HGD: variants seen among roughly 807,000 people sequenced by gnomAD.
The protein encoded by HGD is homogentisate 1,2-dioxygenase.
In HGD, 61 loss-of-function variants were observed where a neutral mutation model predicts 60.8. The ratio of observed to expected loss-of-function variants is 1.00; its 90% CI spans 0.82 to 1.24. The LOEUF is 1.24. Ranked by LOEUF, HGD falls within the 50% of genes most tolerant of loss-of-function variation. HGD has a pLI of 0.00. For missense variants in HGD, 542 were observed against 547.1 expected (o/e 0.99, Z 0.09); for synonymous variants, 212 against 187.7 (o/e 1.13, Z -1.06).
chr3:120,679,802 TAG>T (rs1309831032), intron 1 of HGD, among the ~76,000 whole-genome samples: 1 of 152,180 alleles, frequency 6.6e-6, no homozygotes, highest in Non-Finnish European at 1.5e-5. Flanking sequence ...CAATCTCTCA[TAG>T]AGTCTCCAGA....
intron 11 of HGD, among the ~76,000 whole-genome samples, chr3:120,640,202 A>G (rs984350281): frequency 6.6e-6 from 1 of 151,022 alleles, no homozygotes; most frequent in African/African-American, 2.4e-5. Context: ...TAAAAGTTAA[A>G]AAAAAAAAAA....
At position 120,633,180 on chromosome 3, in the gene HGD, C is replaced by T; in HGVS notation, c.1155G>A (p.Lys385=). The T allele has an allele frequency of 6.2e-7, 1 of 1,614,120 alleles. No homozygotes were observed. The highest frequency in any genetic ancestry group is 8.5e-7 in the Non-Finnish European group (1 of 1,180,022). The change falls in exon 13 of 14, where the codon AAG becomes AAA. Residue 385 remains lysine (K), a synonymous_variant. Coordinates refer to ENST00000283871, the MANE Select transcript of HGD (RefSeq NM_000187.4). Reference sequence around the variant, plus strand: ...CATCGGCAATCCTCTCAGGTGCCAGCTTGACCTTGCTGGCCTTCTCAAAGC... The same window carrying T: ...CATCGGCAATCCTCTCAGGTGCCAGTTTGACCTTGCTGGCCTTCTCAAAGC... The part of the protein sequence containing the change: ...ADCFEKASKV[K]LAPERIADGT...
Position 120,633,147 on chromosome 3 carries a change from C to T in HGD, c.1188G>A (p.Met396Ile), listed in dbSNP as rs753803362. ...LAPERIADGT[M>I]AFMFESSLSL... Reference sequence around the variant, plus strand: ...GGAATGTGGCAGTTAACATACTTACCATGGTGCCATCGGCAATCCTCTCAG... The same window carrying T: ...GGAATGTGGCAGTTAACATACTTACTATGGTGCCATCGGCAATCCTCTCAG... Residue 396 changes from methionine to isoleucine, a missense_variant and splice_region_variant, in exon 13 of 14, where the codon ATG (methionine) becomes ATA (isoleucine). By Grantham distance (10) the Met-to-Ile change is conservative. Coordinates refer to ENST00000283871, the MANE Select transcript of HGD (RefSeq NM_000187.4). 11 of 1,614,022 alleles carry T rather than the reference C, an allele frequency of 6.8e-6. No individual in the cohort carries two copies. In the South Asian group the frequency reaches 1.1e-4, roughly 16 times the overall value.
Position 120,670,490 on chromosome 3 carries a change from A to T in HGD, c.219T>A (p.Phe73Leu). The change falls in exon 4 of 14, where the codon TTT (phenylalanine) becomes TTA (leucine). Residue 73 changes from phenylalanine to leucine, a missense_variant. This residue lies in a region of HGD where 537 missense variants were observed against 529.1 expected (regional missense o/e 1.01). Transcript: ENST00000283871. Reference sequence around the variant, plus strand: ...TGACTTGGCCTTCGTCAATGGATTCAAAGGGCTTGTGAGAAACTGAAGGTA... The same window carrying T: ...TGACTTGGCCTTCGTCAATGGATTCTAAGGGCTTGTGAGAAACTGAAGGTA... ...RILPSVSHKP[F>L]ESIDEGQVTH... 1 of 1,611,068 alleles carries T rather than the reference A, an allele frequency of 6.2e-7. No homozygotes were observed. Among genetic ancestry groups the T allele is most frequent in the South Asian group, 1.1e-5 (1 of 91,032 alleles).
chr3:120,649,947 C>T (rs576729091), intron 6 of HGD, among the ~76,000 whole-genome samples: 1 of 152,222 alleles, frequency 6.6e-6, no homozygotes, highest in South Asian at 2.1e-4. Flanking sequence ...CCCTAGGTCA[C>T]AGCTCAGTTC....
chr3:120,640,047 A>G (rs1016516234), intron 11 of HGD, among the ~76,000 whole-genome samples: 2 of 151,844 alleles, frequency 1.3e-5, no homozygotes, highest in Non-Finnish European at 2.9e-5. Flanking sequence ...TCTACCTGAA[A>G]GGGTCAAGGA....
At chr3:120,633,676 T>A in intron 12 of HGD, 3 of 1,102,898 alleles carry the variant, frequency 2.7e-6, no homozygotes, top group Non-Finnish European at 3.7e-6. Flanking sequence ...CATCTAAGCT[T>A]ACGAGCCCTG....
At chr3:120,641,534 C>T (rs1207634262) in intron 11 of HGD, 55 bp downstream of exon 11, 1 of 1,056,886 alleles carries the variant, frequency 9.5e-7, no homozygotes, top group East Asian at 2.4e-5. Context: ...CTACTGTGGA[C>T]CCCTCCCACC....
chr3:120,647,610 T>G (rs1249865411), intron 7 of HGD, among the ~76,000 whole-genome samples: 1 of 152,194 alleles, frequency 6.6e-6, no homozygotes, highest in African/African-American at 2.4e-5. Context: ...AGTCTTCATT[T>G]CTTTTCAGCT....
chr3:120,633,942 CTTCTA>C lies in HGD; in HGVS notation c.1007-619_1007-615del, dbSNP rs569652018. On this transcript the variant is annotated intron_variant, in intron 12 of 13. Transcript: ENST00000283871. ...TGCTATTTATTATAACAAATATTAT[CTTCTA>C]TAGATGAATCTGTTATCCTCTTGTT... Among the ~76,000 whole-genome samples the C allele has an allele frequency of 6.7e-4, 102 of 152,222 alleles. 2 individuals are homozygous for C. The East Asian group carries it at 0.015, about 23-fold the overall frequency.
In HGD at chr3:120,628,502, G is replaced by A; in HGVS notation, c.1216C>T (p.Leu406=). The stretch of plus-strand genomic sequence containing the variant: ...TTGAGTCCCCACTTTGTGACCGCCA[G>A]ACTTAAAGATGATTCAAACATAAAT... ...MAFMFESSLS[L]AVTKWGLKAS... is the part of the protein sequence containing the mutation. The change falls in exon 14 of 14, where the codon CTG becomes TTG. Residue 406 remains leucine, a synonymous_variant. Transcript: ENST00000283871. The A allele has an allele frequency of 6.2e-7, 1 of 1,614,072 alleles. No homozygotes were observed. Among genetic ancestry groups the A allele is most frequent in the Middle Eastern group, 1.7e-4 (1 of 6,058 alleles).
rs148136439 is a variant in HGD at position 120,670,804 on chromosome 3, T to C, written c.177-272A>G. On this transcript the variant is annotated intron_variant, in intron 3 of 13. Coordinates refer to ENST00000283871, the MANE Select transcript of HGD (RefSeq NM_000187.4). The stretch of plus-strand genomic sequence containing the variant: ...TTCCATGCTGCCAAAAAATGAAGAA[T>C]TGTCTTTTCTAAAAACTATAAGGGA... Among the ~76,000 whole-genome samples, 609 of 152,268 alleles carry C rather than the reference T, an allele frequency of 4.0e-3. 4 individuals are homozygous for C. Among genetic ancestry groups the C allele is most frequent in the African/African-American group, 0.014 (582 of 41,562 alleles).
At chr3:120,648,170 T>G (rs1941222529) in intron 6 of HGD, among the ~76,000 whole-genome samples, 1 of 152,068 alleles carries the variant, frequency 6.6e-6, no homozygotes, top group Admixed American at 6.6e-5. Flanking sequence ...AATGAAAGAA[T>G]AGCGACTTGG....
chr3:120,663,193 AGAG>A (rs1388675651), intron 4 of HGD, among the ~76,000 whole-genome samples: 1 of 152,136 alleles, frequency 6.6e-6, no homozygotes, highest in Non-Finnish European at 1.5e-5. Flanking sequence ...GGAGAAGAAA[AGAG>A]GAGGATAAGA....
intron 13 of HGD, among the ~76,000 whole-genome samples, chr3:120,630,798 T>TTATATATATATATATATATATA (rs61375071): frequency 2.0e-3 from 177 of 87,940 alleles, no homozygotes; most frequent in African/African-American, 5.4e-3. Flanking sequence ...CTTAAGAGCT[T>TTATATATATATATATATATATA]TATATATATA....
chr3:120,666,561 C>T (rs1707904140), intron 4 of HGD, among the ~76,000 whole-genome samples: 1 of 152,168 alleles, frequency 6.6e-6, no homozygotes, highest in African/African-American at 2.4e-5. Flanking sequence ...TGGCTCACCA[C>T]AACCTCCGCC....
At chr3:120,646,045 T>C (rs1445019124) in intron 9 of HGD, among the ~76,000 whole-genome samples, 3 of 152,174 alleles carry the variant, frequency 2.0e-5, no homozygotes, top group South Asian at 2.1e-4. Flanking sequence ...TTATCTCCAA[T>C]GTCTGTATAC....
chr3:120,630,831 T>TACAC (rs1232070414), intron 13 of HGD, among the ~76,000 whole-genome samples: 3 of 77,078 alleles, frequency 3.9e-5, no homozygotes, highest in African/African-American at 1.8e-4. Context: ...TATATACACA[T>TACAC]ACACACACAC....
Position 120,652,621 on chromosome 3 carries a change from C to T in HGD, c.313G>A (p.Ala105Thr), listed in dbSNP as rs772663207. Residue 105 changes from alanine to threonine, a missense_variant, in exon 5 of 14, where the codon GCA (alanine) becomes ACA (threonine). Transcript: ENST00000283871. ...LRWKPFEIPKASQKKVDFVSG... is the reference protein window; with the variant it reads ...LRWKPFEIPKTSQKKVDFVSG... ...ACAAAGTCTACTTTCTTCTGAGATG[C>T]TTTTGGAATCTCAAATGGTTTCCAT... 3 of 1,613,306 alleles carry T rather than the reference C, an allele frequency of 1.9e-6. No individual in the cohort carries two copies. Among genetic ancestry groups the T allele is most frequent in the East Asian group, 2.2e-5 (1 of 44,832 alleles).
Sources: allele counts gnomAD v4.1 joint callset (sites outside exome capture counted in the v4.1 genomes callset), GRCh38; gene constraint gnomAD v4.1.1; regional missense constraint gnomAD v4.1.1; transcripts MANE v1.5; gene names NCBI Gene and HGNC (gene_info 2026-07-23, HGNC 2026-07-21).